Variants in CHKA observed in about 807,000 individuals in gnomAD.
CHKA encodes the protein choline kinase alpha, also known as CHETK-alpha.
A neutral mutation model predicts 60.1 loss-of-function variants in CHKA; 34 were observed. The observed-to-expected ratio is 0.57, with a 90% CI of 0.43 to 0.75. The LOEUF (loss-of-function observed/expected upper bound fraction) is 0.75, where lower values mean the gene tolerates loss of function less well. CHKA is among the 30% of genes least tolerant of loss of function. The probability of loss-of-function intolerance (pLI) is 0.00; values close to 1 mark genes in which losing one functional copy is unlikely to be tolerated. For synonymous variants in CHKA, 217 were observed against 223.1 expected (o/e 0.97, Z 0.24); for missense variants, 563 against 561.3 (o/e 1.00, Z -0.03).
At chr11:68,106,813 C>G (rs985792846) in intron 1 of CHKA, among the ~76,000 whole-genome samples, 5 of 152,200 alleles carry the variant, frequency 3.3e-5, no homozygotes, top group African/African-American at 7.2e-5. Flanking sequence ...TACTCCAGCA[C>G]GGCTCAGCCT....
At chr11:68,104,322 C>T (rs1470385722) in intron 1 of CHKA, among the ~76,000 whole-genome samples, 1 of 151,776 alleles carries the variant, frequency 6.6e-6, no homozygotes, top group East Asian at 1.9e-4. Flanking sequence ...TTACCAGAGG[C>T]GAGGGGAGGG....
In CHKA at chr11:68,100,632, A is replaced by AATAAATAAATAC. The variant is rs1243796820; in HGVS notation, c.351-3503_351-3502insGTATTTATTTAT. 1.1e-4 allele frequency among the ~76,000 whole-genome samples: 16 copies of AATAAATAAATAC among 150,994 alleles called. No individual in the cohort carries two copies. In the South Asian group the frequency reaches 3.1e-3, roughly 29 times the overall value. The stretch of plus-strand genomic sequence containing the variant: ...AAATAAATAAATAAATAAATAAATA[A>AATAAATAAATAC]ATACAAGAGCGAAACATCATCTCCA... On this transcript the variant is annotated intron_variant, in intron 1 of 11. Transcript: ENST00000265689.
chr11:68,110,463 A>G (rs1266631690), intron 1 of CHKA, among the ~76,000 whole-genome samples: 1 of 152,226 alleles, frequency 6.6e-6, no homozygotes, highest in African/African-American at 2.4e-5. Flanking sequence ...GTGACAAATA[A>G]GTGGAATTTG....
At chr11:68,096,248 C>T (rs759743414) in intron 2 of CHKA, among the ~76,000 whole-genome samples, 7 of 151,756 alleles carry the variant, frequency 4.6e-5, no homozygotes, top group Non-Finnish European at 7.4e-5. Context: ...ATAACGTCAG[C>T]TACTTGGGAG....
chr11:68,097,635 CAAA>C (rs386374052), intron 1 of CHKA, among the ~76,000 whole-genome samples: 2 of 111,862 alleles, frequency 1.8e-5, no homozygotes, highest in Admixed American at 1.0e-4. Context: ...GACTCCGTCT[CAAA>C]AAAAAAAAAA....
In CHKA at chr11:68,070,924, G is replaced by A. The variant is rs898655836; in HGVS notation, c.631-67C>T. 3.3e-6 allele frequency: 5 copies of A among 1,496,628 alleles called. No homozygotes were observed. In the African/African-American group the frequency reaches 5.5e-5, roughly 17 times the overall value. 92.7% of individuals were successfully genotyped at this position (1,496,628 alleles called of 1,614,324 possible). On this transcript the variant is annotated intron_variant, in intron 4 of 11. Coordinates refer to ENST00000265689, the MANE Select transcript of CHKA (RefSeq NM_001277.3). Reference sequence around the variant, plus strand: ...AAACTAAAAAGAGTGAGATCACACAGTCTTAGGAACGAGAAGTGTTTTTGT... The same window carrying A: ...AAACTAAAAAGAGTGAGATCACACAATCTTAGGAACGAGAAGTGTTTTTGT...
chr11:68,098,381 T>C (rs984693609), intron 1 of CHKA, among the ~76,000 whole-genome samples: 9 of 152,050 alleles, frequency 5.9e-5, no homozygotes, highest in African/African-American at 1.9e-4. Context: ...TAAACCTCTA[T>C]GACACAAACA....
At chr11:68,067,741 T>A (rs1244473265) in intron 7 of CHKA, among the ~76,000 whole-genome samples, 1 of 152,172 alleles carries the variant, frequency 6.6e-6, no homozygotes, top group African/African-American at 2.4e-5. Flanking sequence ...GTGCCATTTA[T>A]CACCCCCTCA....
At chr11:68,088,075 T>C (rs1382103420) in intron 2 of CHKA, among the ~76,000 whole-genome samples, 3 of 126,382 alleles carry the variant, frequency 2.4e-5, no homozygotes, top group Non-Finnish European at 4.7e-5. Flanking sequence ...ATCACGCCAT[T>C]GCACTCTAGC....
chr11:68,066,561 GC>G, intron 7 of CHKA, 45 bp from the exon 8 acceptor site: 2 of 1,436,962 alleles, frequency 1.4e-6, no homozygotes, highest in Non-Finnish European at 2.0e-6. Context: ...ACAATAGAAG[GC>G]TCAAGTCCTT....
chr11:68,105,224 T>C (rs1044950493), intron 1 of CHKA, among the ~76,000 whole-genome samples: 1 of 151,698 alleles, frequency 6.6e-6, no homozygotes, highest in Non-Finnish European at 1.5e-5. Flanking sequence ...TCTTGAAATA[T>C]GTCATCTCTA....
At chr11:68,054,528 A>G (rs1855932130) in intron 11 of CHKA, among the ~76,000 whole-genome samples, 1 of 152,176 alleles carries the variant, frequency 6.6e-6, no homozygotes, top group African/African-American at 2.4e-5. Flanking sequence ...ACTGAGAGGC[A>G]AGGGAGAAAA....
intron 1 of CHKA, among the ~76,000 whole-genome samples, chr11:68,108,553 G>T (rs1590880694): frequency 6.6e-6 from 1 of 152,198 alleles, no homozygotes; most frequent in East Asian, 1.9e-4. Context: ...GACCATCCTG[G>T]CTAACACGGT....
intron 7 of CHKA, among the ~76,000 whole-genome samples, chr11:68,068,249 T>C (rs2134529919): frequency 6.6e-6 from 1 of 152,194 alleles, no homozygotes; most frequent in East Asian, 1.9e-4. Flanking sequence ...CGGGACTCAA[T>C]GGGGTAGGCA....
intron 2 of CHKA, among the ~76,000 whole-genome samples, chr11:68,084,363 CAT>C (rs536111775): frequency 7.0e-5 from 8 of 114,980 alleles, no homozygotes; most frequent in African/African-American, 2.0e-4. Flanking sequence ...TATATATACA[CAT>C]ATATACGTAT....
intron 1 of CHKA, among the ~76,000 whole-genome samples, chr11:68,102,034 A>G (rs2153026141): frequency 6.7e-6 from 1 of 150,084 alleles, no homozygotes; most frequent in Non-Finnish European, 1.5e-5. Flanking sequence ...CAGGAGGCGG[A>G]GGTGGCAGTG....
rs925300642 is a variant in CHKA at position 68,108,139 on chromosome 11, T to TTTA, written c.351-11012_351-11010dup. ...TATGACAGATAACAGAAGAAGTGCTTTTATTATTATTATTATCTAAATTCT... is the reference window on the plus strand; with the variant it reads ...TATGACAGATAACAGAAGAAGTGCTTTTATTATTATTATTATTATCTAAATTCT... On this transcript the variant is annotated intron_variant, in intron 1 of 11. Transcript: ENST00000265689. 9.1e-4 allele frequency among the ~76,000 whole-genome samples: 138 copies of TTTA among 151,932 alleles called. 2 individuals are homozygous for TTTA. The highest frequency in any genetic ancestry group is 3.4e-4 in the Non-Finnish European group (23 of 67,976).
At chr11:68,097,220 C>T (rs1857543676) in intron 1 of CHKA, 90 bp from the exon 2 acceptor site, 3 of 894,910 alleles carry the variant, frequency 3.4e-6, no homozygotes, top group Admixed American at 2.2e-5. Flanking sequence ...GTCAGGGTTA[C>T]ACAAGAACTG....
intron 4 of CHKA, 32 bp from the exon 5 acceptor site, chr11:68,070,889 T>A (rs765376469): frequency 6.3e-7 from 1 of 1,593,730 alleles, no homozygotes; most frequent in Admixed American, 1.7e-5. Context: ...AAAACTGACA[T>A]TTACCAAGTA....
Sources: allele counts gnomAD v4.1 joint callset (sites outside exome capture counted in the v4.1 genomes callset), GRCh38; gene constraint gnomAD v4.1.1; transcripts MANE v1.5; gene names NCBI Gene and HGNC (gene_info 2026-07-23, HGNC 2026-07-21).